Variants in APP observed in about 807,000 individuals in gnomAD.
APP encodes amyloid beta precursor protein.
In APP, 31 loss-of-function variants were observed where a neutral mutation model predicts 101.4. The ratio of observed to expected loss-of-function variants is 0.31; its 90% CI spans 0.23 to 0.41. The LOEUF (loss-of-function observed/expected upper bound fraction) is 0.41. APP is among the 10% of genes least tolerant of loss of function. The pLI is 1.00. For synonymous variants in APP, 366 were observed against 364.4 expected, an observed-to-expected ratio of 1.00 and a Z score of -0.05; for missense variants, 839 against 1,003.7, an observed-to-expected ratio of 0.84 and a Z score of 2.22.
intron 11 of APP, among the ~76,000 whole-genome samples, chr21:25,958,531 C>G (rs1322422631): frequency 6.9e-6 from 1 of 144,966 alleles, no homozygotes; most frequent in Non-Finnish European, 1.5e-5. Flanking sequence ...CCCGCCTTGG[C>G]CTCCCAAAGT....
In APP at chr21:25,918,731, C is replaced by G. The variant is rs937935151; in HGVS notation, c.1688-6769G>C. ...CCCACACCTGGCTCGGAGGGTCCTA[C>G]GCCCACGGAATCGCGCTGATTGCTA... On this transcript the variant is annotated intron_variant, in intron 13 of 17. Transcript: ENST00000346798. Among the ~76,000 whole-genome samples the G allele has an allele frequency of 5.9e-4, 89 of 151,500 alleles. 2 individuals carry two copies. Among genetic ancestry groups the G allele is most frequent in the Middle Eastern group, 6.8e-3 (2 of 294 alleles).
intron 1 of APP, among the ~76,000 whole-genome samples, chr21:26,164,764 G>A (rs183326888): frequency 1.2e-3 from 182 of 151,676 alleles, no homozygotes; most frequent in African/African-American, 3.9e-3. Flanking sequence ...GCTGAGGCAG[G>A]AGAATCGCTT....
intron 11 of APP, among the ~76,000 whole-genome samples, chr21:25,969,698 C>T (rs1228598897): frequency 2.0e-5 from 3 of 151,428 alleles, no homozygotes; most frequent in African/African-American, 7.3e-5. Context: ...AAAAATTAGC[C>T]ACACATGGTG....
intron 3 of APP, among the ~76,000 whole-genome samples, chr21:26,083,931 T>G (rs997472693): frequency 2.6e-5 from 4 of 152,114 alleles, no homozygotes; most frequent in Non-Finnish European, 4.4e-5. Context: ...CTATTAGAGC[T>G]CTTATCAATC....
chr21:26,088,845 C>T (rs1294939180), intron 3 of APP, among the ~76,000 whole-genome samples: 1 of 152,202 alleles, frequency 6.6e-6, no homozygotes, highest in Non-Finnish European at 1.5e-5. Context: ...TCTACACTCT[C>T]TTCATCAATT....
At chr21:26,166,906 AAG>A (rs1316626916) in intron 1 of APP, among the ~76,000 whole-genome samples, 1 of 38,114 alleles carries the variant, frequency 2.6e-5, no homozygotes, top group Non-Finnish European at 5.6e-5. Flanking sequence ...GAGAGAGAGA[AAG>A]AGAGAGAAAG....
At chr21:25,924,434 A>T (rs1458494671) in intron 13 of APP, among the ~76,000 whole-genome samples, 74 of 123,758 alleles carry the variant, frequency 6.0e-4, no homozygotes, top group African/African-American at 2.0e-3. Flanking sequence ...AAAAGGAAAA[A>T]AAAAAAGGTT....
intron 5 of APP, among the ~76,000 whole-genome samples, chr21:26,047,614 T>C (rs115271525): frequency 0.068 from 10,290 of 152,314 alleles, 465 homozygotes; most frequent in African/African-American, 0.12. Context: ...AAACCAATTT[T>C]TTTAAATTTT....
chr21:25,916,791 T>C (rs766031003), intron 13 of APP, among the ~76,000 whole-genome samples: 1 of 152,240 alleles, frequency 6.6e-6, no homozygotes, highest in African/African-American at 2.4e-5. Flanking sequence ...TTGTAGCGTT[T>C]ATCTTTGAAG....
At chr21:26,090,521 G>A (rs1232689276) in intron 2 of APP, among the ~76,000 whole-genome samples, 1 of 136 alleles carries the variant, frequency 7.4e-3, no homozygotes, top group African/African-American at 0.023. Flanking sequence ...ATTAAGCAAT[G>A]CAACTTTTTA....
At chr21:25,947,628 A>G (rs2040879257) in intron 13 of APP, among the ~76,000 whole-genome samples, 1 of 152,226 alleles carries the variant, frequency 6.6e-6, no homozygotes, top group Admixed American at 6.5e-5. Context: ...ACTTAATAAC[A>G]CTAGGGAAAA....
intron 1 of APP, among the ~76,000 whole-genome samples, chr21:26,123,865 T>A (rs2234990): frequency 0.45 from 68,348 of 151,986 alleles, 16,956 homozygotes; most frequent in East Asian, 0.61. Flanking sequence ...CAGACGCCAA[T>A]ATTAGGAGGG....
At chr21:26,042,987 C>T (rs901300205) in intron 5 of APP, among the ~76,000 whole-genome samples, 51 of 152,164 alleles carry the variant, frequency 3.4e-4, no homozygotes, top group African/African-American at 1.2e-3. Flanking sequence ...CCCTTCATTA[C>T]ACTGGAGGAA....
At chr21:25,998,260 T>G (rs1253348794) in intron 7 of APP, among the ~76,000 whole-genome samples, 1 of 152,174 alleles carries the variant, frequency 6.6e-6, no homozygotes, top group Non-Finnish European at 1.5e-5. Flanking sequence ...ACAAAAGGCC[T>G]TTGTTCCAAA....
chr21:26,139,110 A>G (rs976496826), intron 1 of APP, among the ~76,000 whole-genome samples: 1 of 152,168 alleles, frequency 6.6e-6, no homozygotes, highest in African/African-American at 2.4e-5. Context: ...CAGAGGCTAC[A>G]AAAAACAATG....
rs2063727475 is a variant in APP, at chr21:26,170,653, T to C, written c.-33A>G. On this transcript the variant is annotated 5_prime_UTR_variant, in exon 1 of 18. Transcript: ENST00000346798. ...CTGCGCGGGGCACCGAGTGCGCTGC[T>C]GTGCGAGTGGGATCCGCCGCGTCCT... The C allele has an allele frequency of 6.6e-7, 1 of 1,523,912 alleles. No individual in the cohort carries two copies. Among genetic ancestry groups the C allele is most frequent in the South Asian group, 1.2e-5 (1 of 82,372 alleles). The allele number at this position is 1,523,912 out of a possible 1,614,324, so 94.4% of individuals were successfully genotyped here. A position where few individuals can be genotyped will look rare whatever the true frequency, so the allele number is the denominator to read the frequency against.
At chr21:26,116,337 C>A (rs1314998565) in intron 1 of APP, among the ~76,000 whole-genome samples, 3 of 152,122 alleles carry the variant, frequency 2.0e-5, no homozygotes, top group African/African-American at 7.2e-5. Context: ...AATGGACTTT[C>A]CAAAGCAATT....
intron 1 of APP, among the ~76,000 whole-genome samples, chr21:26,138,066 A>G (rs139207169): frequency 2.6e-5 from 4 of 152,314 alleles, no homozygotes; most frequent in Non-Finnish European, 5.9e-5. Flanking sequence ...TGAAACCAAA[A>G]CATGTACTAA....
chr21:26,043,241 T>A (rs1366566695), intron 5 of APP, among the ~76,000 whole-genome samples: 1 of 144,810 alleles, frequency 6.9e-6, no homozygotes, highest in African/African-American at 2.7e-5. Context: ...TTCTTTTCTT[T>A]TCTTTTTTTT....
Sources: allele counts gnomAD v4.1 joint callset (sites outside exome capture counted in the v4.1 genomes callset), GRCh38; gene constraint gnomAD v4.1.1; transcripts MANE v1.5; gene names NCBI Gene and HGNC (gene_info 2026-07-23, HGNC 2026-07-21).